Variants in ARID4B observed in about 807,000 individuals in gnomAD.
ARID4B encodes the protein AT-rich interaction domain 4B.
A neutral mutation model predicts 147.5 loss-of-function variants in ARID4B; 26 were observed. That is an observed-to-expected ratio of 0.18 (90% CI 0.13 to 0.24). ARID4B has a LOEUF of 0.24. Ranked by LOEUF, ARID4B falls within the 10% of genes least tolerant of loss-of-function variation. ARID4B has a pLI of 1.00. For synonymous variants in ARID4B, 512 were observed against 507.9 expected (o/e 1.01, Z -0.11); for missense variants, 1,179 against 1,511.5 (o/e 0.78, Z 3.65).
Position 235,221,681 on chromosome 1 carries a change from C to T in ARID4B, c.1066-19G>A. 2 of 1,362,834 alleles carry T rather than the reference C, an allele frequency of 1.5e-6. No homozygotes were observed. The highest frequency in any genetic ancestry group is 2.1e-6 in the Non-Finnish European group (2 of 958,054). 84.4% of individuals were successfully genotyped at this position (1,362,834 alleles called of 1,614,324 possible). On this transcript the variant is annotated intron_variant, in intron 13 of 23. Coordinates refer to ENST00000264183, the MANE Select transcript of ARID4B (RefSeq NM_016374.6). Reference sequence around the variant, plus strand: ...TTTCAATCTAATGGACAAAGTGAAACAAAAACTCTCAAATTAAAAGGTGTT... The same window carrying T: ...TTTCAATCTAATGGACAAAGTGAAATAAAAACTCTCAAATTAAAAGGTGTT...
chr1:235,256,163 G>C (rs1669975038), intron 4 of ARID4B, among the ~76,000 whole-genome samples: 1 of 115,520 alleles, frequency 8.7e-6, no homozygotes, highest in Admixed American at 9.9e-5. Flanking sequence ...GACAGAGCAA[G>C]ACTCTGCCTC....
At chr1:235,190,265 T>C (rs1313069737) in intron 19 of ARID4B, 1 of 152,190 alleles carries the variant, frequency 6.6e-6, no homozygotes, top group Non-Finnish European at 1.5e-5. Flanking sequence ...CTGGCCAAAA[T>C]GGCAAAACCC....
chr1:235,303,354 T>C (rs1673322085), intron 2 of ARID4B, among the ~76,000 whole-genome samples: 1 of 152,036 alleles, frequency 6.6e-6, no homozygotes, highest in Non-Finnish European at 1.5e-5. Flanking sequence ...GCCAGTCCTT[T>C]TTTAAATTAA....
intron 9 of ARID4B, among the ~76,000 whole-genome samples, chr1:235,233,772 G>A (rs1668391529): frequency 6.6e-6 from 1 of 152,098 alleles, no homozygotes; most frequent in Admixed American, 6.6e-5. Flanking sequence ...CAAACCCTAA[G>A]GAAATAATGT....
At chr1:235,214,766 T>C (rs934088953) in intron 16 of ARID4B, among the ~76,000 whole-genome samples, 5 of 150,414 alleles carry the variant, frequency 3.3e-5, no homozygotes, top group Non-Finnish European at 5.9e-5. Context: ...TCCAAAGAAA[T>C]AGACAGATGA....
At chr1:235,179,276 G>GT (rs1664108429) in intron 20 of ARID4B, among the ~76,000 whole-genome samples, 1 of 152,142 alleles carries the variant, frequency 6.6e-6, no homozygotes, top group Admixed American at 6.5e-5. Flanking sequence ...GCTCATGCCT[G>GT]TAATTCCAGC....
intron 19 of ARID4B, 90 bp downstream of exon 19, chr1:235,193,923 T>G: frequency 2.2e-6 from 2 of 914,098 alleles, no homozygotes; most frequent in Non-Finnish European, 3.3e-6. Context: ...GAAAAAACAG[T>G]AGTTGGTAAT....
intron 2 of ARID4B, among the ~76,000 whole-genome samples, chr1:235,267,941 A>G (rs6668742): frequency 0.13 from 19,680 of 152,150 alleles, 1,489 homozygotes; most frequent in African/African-American, 0.2. Context: ...ACCATGCAAT[A>G]TAACTTCAAA....
At chr1:235,248,231 G>T (rs934915142) in intron 6 of ARID4B, among the ~76,000 whole-genome samples, 3 of 151,854 alleles carry the variant, frequency 2.0e-5, no homozygotes, top group African/African-American at 7.3e-5. Context: ...TTTGTTTTTT[G>T]TAGAGATGGG....
At chr1:235,251,060 T>C (rs1393708771) in intron 6 of ARID4B, among the ~76,000 whole-genome samples, 1 of 152,118 alleles carries the variant, frequency 6.6e-6, no homozygotes, top group Non-Finnish European at 1.5e-5. Flanking sequence ...GCCCCAAAGC[T>C]GTCTGTATTT....
intron 8 of ARID4B, among the ~76,000 whole-genome samples, chr1:235,239,874 AT>A (rs1668874314): frequency 6.6e-6 from 1 of 152,240 alleles, no homozygotes; most frequent in Non-Finnish European, 1.5e-5. Context: ...GGGGTAATGT[AT>A]AATTGCAGTC....
chr1:235,261,724 T>C (rs1359327909), intron 2 of ARID4B, among the ~76,000 whole-genome samples: 1 of 152,212 alleles, frequency 6.6e-6, no homozygotes, highest in Non-Finnish European at 1.5e-5. Context: ...TTTCCTCAGT[T>C]GTGATTTAGT....
intron 2 of ARID4B, among the ~76,000 whole-genome samples, chr1:235,315,878 T>A (rs1273947059): frequency 6.6e-6 from 1 of 152,150 alleles, no homozygotes; most frequent in African/African-American, 2.4e-5. Flanking sequence ...TTGTAATAAA[T>A]AGTTTCATAA....
intron 3 of ARID4B, 79 bp downstream of exon 3, chr1:235,260,563 A>G: frequency 1.9e-6 from 2 of 1,076,596 alleles, no homozygotes; most frequent in Non-Finnish European, 2.6e-6. Flanking sequence ...TTGCAGAAAA[A>G]TCTTAAATAC....
intron 2 of ARID4B, among the ~76,000 whole-genome samples, chr1:235,323,776 G>C (rs1158618422): frequency 1.3e-5 from 2 of 149,898 alleles, no homozygotes; most frequent in East Asian, 2.0e-4. Context: ...AAGAGCAAAA[G>C]TCCGTCTTAA....
At chr1:235,297,404 C>A (rs8179454) in intron 2 of ARID4B, among the ~76,000 whole-genome samples, 1 of 151,838 alleles carries the variant, frequency 6.6e-6, no homozygotes, top group Admixed American at 6.6e-5. Context: ...TTTATAGCCT[C>A]CACTTCTAGA....
At chr1:235,209,201 G>A (rs953167495) in intron 17 of ARID4B, among the ~76,000 whole-genome samples, 15 of 152,214 alleles carry the variant, frequency 9.9e-5, no homozygotes, top group Admixed American at 4.6e-4. Flanking sequence ...CAGGTCGGGC[G>A]CAGTGGCTCA....
At chr1:235,312,471 T>C (rs917576701) in intron 2 of ARID4B, among the ~76,000 whole-genome samples, 1 of 152,220 alleles carries the variant, frequency 6.6e-6, no homozygotes, top group South Asian at 2.1e-4. Flanking sequence ...GTCCACTGAA[T>C]ACTACTATGT....
intron 20 of ARID4B, 175 bp downstream of exon 20, chr1:235,181,410 T>G (rs2102922217): frequency 1.1e-6 from 1 of 892,914 alleles, no homozygotes; most frequent in East Asian, 2.7e-5. Context: ...TTCTCAAGCT[T>G]TTAAATGCAT....
Sources: gnomAD v4.1 joint callset for allele counts (sites outside exome capture counted in the v4.1 genomes callset) on GRCh38, gnomAD v4.1.1 for gene constraint, MANE v1.5 for transcripts, NCBI Gene and HGNC (gene_info 2026-07-23, HGNC 2026-07-21) for gene names.